APOOL: variants seen among roughly 807,000 people sequenced by gnomAD.
APOOL encodes apolipoprotein O like.
A neutral mutation model predicts 23.1 loss-of-function variants in APOOL; 12 were observed. The ratio of observed to expected loss-of-function variants is 0.52; its 90% CI spans 0.33 to 0.84. The LOEUF is 0.84. APOOL is among the 40% of genes least tolerant of loss of function. APOOL has a pLI of 0.02. For missense variants in APOOL, 212 were observed against 199.6 expected (o/e 1.06, Z -0.37); for synonymous variants, 77 against 69.9 (o/e 1.10, Z -0.51).
At chrX:85,049,594 G>A (rs776483257) in intron 2 of APOOL, among the ~76,000 whole-genome samples, 7 of 110,938 alleles carry the variant, frequency 6.3e-5, no homozygotes, top group African/African-American at 1.6e-4. Flanking sequence ...GACCAGTCTG[G>A]GCAACAGGGT....
chrX:85,041,932 T>C (rs1278604767), intron 1 of APOOL, among the ~76,000 whole-genome samples: 1 of 111,022 alleles, frequency 9.0e-6, no homozygotes, highest in African/African-American at 3.3e-5. Context: ...CAGCATGTCC[T>C]CCTGGATGAT....
intron 1 of APOOL, among the ~76,000 whole-genome samples, chrX:85,021,758 GA>G (rs1921670864): frequency 8.9e-6 from 1 of 111,899 alleles, no homozygotes; most frequent in Non-Finnish European, 1.9e-5. Flanking sequence ...ATAAAGATCA[GA>G]GCACAAATAA....
intron 1 of APOOL, among the ~76,000 whole-genome samples, chrX:85,043,258 G>T (rs60924476): frequency 0.045 from 4,961 of 111,148 alleles, 246 homozygotes; most frequent in African/African-American, 0.15. Flanking sequence ...TTAAGTTAAG[G>T]TCTTTCCTCT....
intron 1 of APOOL, among the ~76,000 whole-genome samples, chrX:85,014,233 T>A (rs750083477): frequency 1.4e-4 from 16 of 111,562 alleles, no homozygotes; most frequent in African/African-American, 4.9e-4. Flanking sequence ...TAAGTGAGTC[T>A]CAGCAATTAC....
chrX:85,063,197 T>G (rs1240926502), intron 5 of APOOL, among the ~76,000 whole-genome samples: 3 of 111,698 alleles, frequency 2.7e-5, no homozygotes, highest in African/African-American at 9.8e-5. Context: ...TAGCAAATTT[T>G]GCACTTTGAT....
intron 1 of APOOL, among the ~76,000 whole-genome samples, chrX:85,020,093 A>G (rs1429312651): frequency 8.9e-6 from 1 of 111,949 alleles, no homozygotes; most frequent in Non-Finnish European, 1.9e-5. Context: ...GGTGCTGAAC[A>G]GAGGCATTGT....
intron 3 of APOOL, among the ~76,000 whole-genome samples, chrX:85,053,971 A>G (rs1922866493): frequency 1.8e-5 from 2 of 111,126 alleles, no homozygotes; most frequent in African/African-American, 6.5e-5. Context: ...TGCTATTGCA[A>G]CTTTATTAAT....
At chrX:85,007,304 T>C in intron 1 of APOOL, among the ~76,000 whole-genome samples, 3 of 111,138 alleles carry the variant, frequency 2.7e-5, no homozygotes, top group Middle Eastern at 9.2e-3. Flanking sequence ...GTGGGGTTGC[T>C]CCAATGCTGA....
At chrX:85,071,074 C>G (rs1923650402) in intron 6 of APOOL, among the ~76,000 whole-genome samples, 1 of 111,773 alleles carries the variant, frequency 8.9e-6, no homozygotes, top group African/African-American at 3.3e-5. Context: ...CACAGAAAGA[C>G]AAATACTGTT....
chrX:85,082,988 G>A (rs1298371296), intron 8 of APOOL, among the ~76,000 whole-genome samples: 2 of 111,381 alleles, frequency 1.8e-5, no homozygotes, highest in Non-Finnish European at 3.8e-5. Flanking sequence ...AGAAGCTTGG[G>A]AGTGCCATAG....
chrX:85,020,117 G>T (rs760739406), intron 1 of APOOL, among the ~76,000 whole-genome samples: 7 of 111,862 alleles, frequency 6.3e-5, no homozygotes, highest in Non-Finnish European at 1.3e-4. Context: ...CAGGATCGGT[G>T]ATGATGATAT....
chrX:85,056,045 T>C, intron 5 of APOOL, 120 bp downstream of exon 5: 2 of 476,863 alleles, frequency 4.2e-6, no homozygotes, highest in Non-Finnish European at 6.5e-6. Context: ...CTGTAAAGAT[T>C]TTTAGATTCT....
At chrX:85,044,528 G>A (rs760320915) in intron 1 of APOOL, among the ~76,000 whole-genome samples, 78 of 110,511 alleles carry the variant, frequency 7.1e-4, no homozygotes, top group Non-Finnish European at 1.4e-3. Flanking sequence ...TGATCCACCC[G>A]CCTCGGCCTT....
chrX:85,035,728 T>C (rs945892165), intron 1 of APOOL, among the ~76,000 whole-genome samples: 1 of 111,732 alleles, frequency 8.9e-6, no homozygotes, highest in Non-Finnish European at 1.9e-5. Flanking sequence ...ATTACTTGTT[T>C]TTGTTGAGTT....
Position 85,051,404 on chromosome X carries a change from G to T in APOOL, c.136G>T (p.Ala46Ser), listed in dbSNP as rs182629060. The change falls in exon 3 of 9, where the codon GCA becomes TCA. Residue 46 changes from alanine (A) to serine (S), a missense_variant. By Grantham distance (99) the Ala-to-Ser change is moderately conservative. Transcript: ENST00000373173. The stretch of plus-strand genomic sequence containing the variant: ...TTGCCTGTAGCTCCCCATATATACT[G>T]CACCACCGCTCCAGTCTAAATATGT... The part of the protein sequence containing the change: ...VKPEQLPIYT[A>S]PPLQSKYVEE... 1 of 1,207,815 alleles carries T rather than the reference G, an allele frequency of 8.3e-7. No homozygotes were observed. The highest frequency in any genetic ancestry group is 1.8e-5 in the African/African-American group (1 of 56,819).
chrX:85,025,570 G>C (rs1188756503), intron 1 of APOOL, among the ~76,000 whole-genome samples: 1 of 112,277 alleles, frequency 8.9e-6, no homozygotes, highest in African/African-American at 3.2e-5. Flanking sequence ...TATTTGTTGG[G>C]TATAGGCATT....
intron 8 of APOOL, among the ~76,000 whole-genome samples, chrX:85,080,086 CT>C (rs1462407172): frequency 1.8e-5 from 2 of 111,520 alleles, no homozygotes; most frequent in Non-Finnish European, 3.8e-5. Flanking sequence ...GTGTCTCTAT[CT>C]TTTTCAGTTT....
rs1924437810 is a variant in APOOL at position 85,088,334 on chromosome X, TTTTTTTTTTTTC to T, written c.*657_*668del. On this transcript the variant is annotated 3_prime_UTR_variant, in exon 9 of 9. Transcript: ENST00000373173. Reference sequence around the variant, plus strand: ...TCCCTCTGTTTTTTTTTTTTTTTTTTTTTTTTTTTTTCCCATTTCCTAGAGCTGGAATAAAAT... The same window carrying T: ...TCCCTCTGTTTTTTTTTTTTTTTTTTCCATTTCCTAGAGCTGGAATAAAAT... The T allele has an allele frequency of 2.4e-5, 2 of 82,580 alleles. No homozygotes were observed. Among genetic ancestry groups the T allele is most frequent in the African/African-American group, 9.2e-5 (2 of 21,729 alleles). 6.8% of individuals were successfully genotyped at this position (82,580 alleles called of 1,213,427 possible).
chrX:85,065,372 T>C (rs892101337), intron 5 of APOOL, among the ~76,000 whole-genome samples: 4 of 111,802 alleles, frequency 3.6e-5, no homozygotes, highest in Non-Finnish European at 3.8e-5. Flanking sequence ...ATTTAGTCCA[T>C]TTTCATTTAA....
Sources: gnomAD v4.1 joint callset for allele counts (sites outside exome capture counted in the v4.1 genomes callset) on GRCh38, gnomAD v4.1.1 for gene constraint, MANE v1.5 for transcripts, NCBI Gene and HGNC (gene_info 2026-07-23, HGNC 2026-07-21) for gene names.